Variants in MTUS2 observed in about 807,000 individuals in gnomAD.
MTUS2 encodes the protein microtubule-associated tumor suppressor candidate 2.
A neutral mutation model predicts 114.1 loss-of-function variants in MTUS2; 40 were observed. That is an observed-to-expected ratio of 0.35 (90% CI 0.27 to 0.46). The LOEUF (loss-of-function observed/expected upper bound fraction) is 0.46, where lower values mean the gene tolerates loss of function less well. Ranked by LOEUF, MTUS2 falls within the 20% of genes least tolerant of loss-of-function variation. The probability of loss-of-function intolerance (pLI) is 1.00; values close to 1 mark genes in which losing one functional copy is unlikely to be tolerated. For synonymous variants in MTUS2, 688 were observed against 672.0 expected (o/e 1.02, Z -0.37); for missense variants, 1,679 against 1,705.4 (o/e 0.98, Z 0.27).
chr13:29,200,420 A>C (rs1894893388), intron 5 of MTUS2, among the ~76,000 whole-genome samples: 1 of 145,038 alleles, frequency 6.9e-6, no homozygotes, highest in South Asian at 2.2e-4. Context: ...TTAAGAACTT[A>C]TTTATTTCTG....
chr13:29,386,970 T>C (rs1872669376), intron 8 of MTUS2, among the ~76,000 whole-genome samples: 1 of 152,050 alleles, frequency 6.6e-6, no homozygotes, highest in Admixed American at 6.5e-5. Context: ...ACTCTAAGGG[T>C]TTAAAAGTAT....
intron 2 of MTUS2, among the ~76,000 whole-genome samples, chr13:28,882,463 G>C (rs1258961960): frequency 2.0e-5 from 3 of 152,152 alleles, no homozygotes; most frequent in African/African-American, 4.8e-5. Flanking sequence ...GGAGCTTGGT[G>C]CAATGGCTCA....
chr13:28,912,347 T>C lies in MTUS2; in HGVS notation c.-243+72497T>C, dbSNP rs549547826. ...GGTGTACAGTCTTATTTCTGAGTTCTCTATTCTGTTCCATTGATCTATGTA... is the reference window on the plus strand; with the variant it reads ...GGTGTACAGTCTTATTTCTGAGTTCCCTATTCTGTTCCATTGATCTATGTA... On this transcript the variant is annotated intron_variant, in intron 2 of 15. Transcript: ENST00000612955. 2.0e-5 allele frequency among the ~76,000 whole-genome samples: 3 copies of C among 152,334 alleles called. No homozygotes were observed. The East Asian group carries it at 5.8e-4, about 29-fold the overall frequency.
intron 5 of MTUS2, among the ~76,000 whole-genome samples, chr13:29,154,067 C>T (rs902312764): frequency 3.9e-5 from 6 of 152,144 alleles, no homozygotes; most frequent in African/African-American, 1.2e-4. Flanking sequence ...TGTTGGAGTT[C>T]GATTCATTGT....
chr13:29,255,997 T>C (rs1897273088), intron 5 of MTUS2, among the ~76,000 whole-genome samples: 1 of 152,148 alleles, frequency 6.6e-6, no homozygotes, highest in African/African-American at 2.4e-5. Context: ...ATTACACAGA[T>C]TAAATGAGTT....
chr13:29,426,799 C>T (rs1444986559), intron 8 of MTUS2, among the ~76,000 whole-genome samples: 1 of 152,160 alleles, frequency 6.6e-6, no homozygotes, highest in Non-Finnish European at 1.5e-5. Flanking sequence ...GACTAATGTT[C>T]CACTGCATGC....
At chr13:28,999,595 G>A (rs1442786102) in intron 2 of MTUS2, among the ~76,000 whole-genome samples, 1 of 152,210 alleles carries the variant, frequency 6.6e-6, no homozygotes, top group Admixed American at 6.5e-5. Flanking sequence ...TAGCAAATCA[G>A]TCACAAACAT....
intron 6 of MTUS2, among the ~76,000 whole-genome samples, chr13:29,315,444 A>G (rs1390642970): frequency 6.6e-6 from 1 of 152,226 alleles, no homozygotes; most frequent in Non-Finnish European, 1.5e-5. Flanking sequence ...ACATATGTAC[A>G]ATTACTATGT....
intron 8 of MTUS2, among the ~76,000 whole-genome samples, chr13:29,406,944 G>A (rs1874799923): frequency 1.3e-5 from 2 of 152,198 alleles, no homozygotes; most frequent in African/African-American, 4.8e-5. Flanking sequence ...GGGATCCAGT[G>A]TTTAATTGAA....
chr13:29,428,753 G>A, intron 8 of MTUS2: 2 of 1,592,602 alleles, frequency 1.3e-6, no homozygotes, highest in Non-Finnish European at 1.7e-6. Flanking sequence ...CCAGCGGCGC[G>A]CCCCTTTCGT....
intron 9 of MTUS2, among the ~76,000 whole-genome samples, chr13:29,446,470 A>G (rs1290903700): frequency 1.3e-5 from 2 of 152,222 alleles, no homozygotes; most frequent in African/African-American, 4.8e-5. Context: ...GAGTCTTCAT[A>G]CTTGTCATTT....
intron 9 of MTUS2, among the ~76,000 whole-genome samples, chr13:29,474,643 A>G (rs927460437): frequency 1.2e-4 from 18 of 152,176 alleles, no homozygotes; most frequent in African/African-American, 3.4e-4. Context: ...ATTCCATGAT[A>G]CTACAAAAAG....
chr13:28,925,253 AG>A lies in MTUS2; in HGVS notation c.-243+85404del, dbSNP rs138316948. 9.5e-3 allele frequency among the ~76,000 whole-genome samples: 1,443 copies of A among 152,314 alleles called. 19 individuals are homozygous for A. Among genetic ancestry groups the A allele is most frequent in the Non-Finnish European group, 0.015 (1,037 of 68,026 alleles). On this transcript the variant is annotated intron_variant, in intron 2 of 15. Coordinates refer to ENST00000612955, the MANE Select transcript of MTUS2 (RefSeq NM_001033602.4). Reference sequence around the variant, plus strand: ...GTCAGTGGAATTTAAGTTTACTTAAAGAACTTGAAACATTGATTCTGGTTCT... The same window carrying A: ...GTCAGTGGAATTTAAGTTTACTTAAAAACTTGAAACATTGATTCTGGTTCT...
At chr13:29,219,561 C>T (rs1436578762) in intron 5 of MTUS2, among the ~76,000 whole-genome samples, 4 of 152,174 alleles carry the variant, frequency 2.6e-5, no homozygotes, top group Non-Finnish European at 5.9e-5. Flanking sequence ...AGAGAGTTAG[C>T]CTGTCCTTTG....
intron 6 of MTUS2, among the ~76,000 whole-genome samples, chr13:29,300,778 A>G (rs1899167204): frequency 6.6e-6 from 1 of 152,260 alleles, no homozygotes; most frequent in Non-Finnish European, 1.5e-5. Flanking sequence ...AATGAATGCA[A>G]CCTAATTCAT....
intron 8 of MTUS2, among the ~76,000 whole-genome samples, chr13:29,437,934 C>T (rs1478943139): frequency 3.2e-5 from 4 of 124,850 alleles, no homozygotes; most frequent in South Asian, 2.7e-4. Context: ...GGTGACAGAG[C>T]GAGATCTTAT....
At chr13:28,848,443 G>A (rs1314029388) in intron 2 of MTUS2, among the ~76,000 whole-genome samples, 1 of 151,878 alleles carries the variant, frequency 6.6e-6, no homozygotes, top group Non-Finnish European at 1.5e-5. Flanking sequence ...GAAAAATAGT[G>A]TTAGATACCC....
At chr13:29,491,021 G>C (rs1438714001) in intron 11 of MTUS2, among the ~76,000 whole-genome samples, 1 of 105,504 alleles carries the variant, frequency 9.5e-6, no homozygotes, top group East Asian at 2.4e-4. Context: ...TGGGAGGTAT[G>C]GGGGGATGCG....
At chr13:28,964,158 A>C (rs1269211466) in intron 2 of MTUS2, among the ~76,000 whole-genome samples, 1 of 152,216 alleles carries the variant, frequency 6.6e-6, no homozygotes, top group Non-Finnish European at 1.5e-5. Flanking sequence ...TAACATTGCC[A>C]AAGTAGTTTT....
Sources: allele counts gnomAD v4.1 joint callset (sites outside exome capture counted in the v4.1 genomes callset), GRCh38; gene constraint gnomAD v4.1.1; transcripts MANE v1.5; gene names NCBI Gene and HGNC (gene_info 2026-07-23, HGNC 2026-07-21).